Variants in GALNT18 observed in about 807,000 individuals in gnomAD.
The protein encoded by GALNT18 is GalNAc-transferase 18.
Under a neutral mutation model 69.5 loss-of-function variants are expected in GALNT18, and 44 were observed. That is an observed-to-expected ratio of 0.63 (90% confidence interval 0.50 to 0.81). The LOEUF is 0.81. Ranked by LOEUF, GALNT18 falls within the 40% of genes least tolerant of loss-of-function variation. GALNT18 has a pLI of 0.00. For missense variants in GALNT18, 715 were observed against 810.0 expected (o/e 0.88, Z 1.42); for synonymous variants, 364 against 318.2 (o/e 1.14, Z -1.53).
At position 11,496,636 on chromosome 11, in the gene GALNT18, G is replaced by A. The variant is rs1856871231; in HGVS notation, c.236-47700C>T. Among the ~76,000 whole-genome samples the A allele has an allele frequency of 6.6e-6, 1 of 151,914 alleles. No individual in the cohort carries two copies. The highest frequency in any genetic ancestry group is 1.5e-5 in the Non-Finnish European group (1 of 67,982). The stretch of plus-strand genomic sequence containing the variant: ...CTACCACACAGAGGGTGGGAAGAAG[G>A]AAAGACTGCACCAGGAAGGAAGGGC... On this transcript the variant is annotated intron_variant, in intron 1 of 10. Coordinates refer to ENST00000227756, the MANE Select transcript of GALNT18 (RefSeq NM_198516.3). The surrounding 1 kb of genome is among the most constrained non-coding windows in gnomAD (Gnocchi z 4.0).
At chr11:11,344,494 C>T (rs1850266136) in intron 6 of GALNT18, among the ~76,000 whole-genome samples, 1 of 152,228 alleles carries the variant, frequency 6.6e-6, no homozygotes, top group Non-Finnish European at 1.5e-5. Flanking sequence ...ACCAAATTGT[C>T]CCTTAGACAC....
rs1860140750 is a variant in GALNT18 at position 11,619,743 on chromosome 11, T to C, written c.235+1616A>G. On this transcript the variant is annotated intron_variant, in intron 1 of 10. Coordinates refer to ENST00000227756, the MANE Select transcript of GALNT18 (RefSeq NM_198516.3). This position sits in a 1 kb window ranked among gnomAD's most constrained non-coding sequence, Gnocchi z 4.9. ...ACACTGTACTTCTATTGCTGATTAA[T>C]AGTCAATCAAGACCTATGGGATGGA... 6.6e-6 allele frequency among the ~76,000 whole-genome samples: 1 copy of C among 152,158 alleles called. No homozygotes were observed. The highest frequency in any genetic ancestry group is 1.5e-5 in the Non-Finnish European group (1 of 68,030).
intron 1 of GALNT18, among the ~76,000 whole-genome samples, chr11:11,525,052 G>A (rs11021896): frequency 0.41 from 61,743 of 151,996 alleles, 13,258 homozygotes; most frequent in East Asian, 0.73. Context: ...AGAGAAAGGA[G>A]GGGATTTCAT....
chr11:11,340,803 T>C lies in GALNT18; in HGVS notation c.1278+16A>G, dbSNP rs566902816. 6.3e-7 allele frequency: 1 copy of C among 1,593,048 alleles called. No homozygotes were observed. The highest frequency in any genetic ancestry group is 1.1e-5 in the South Asian group (1 of 88,294). On this transcript the variant is annotated intron_variant, in intron 7 of 10. Coordinates refer to ENST00000227756, the MANE Select transcript of GALNT18 (RefSeq NM_198516.3). The surrounding 1 kb of genome is among the most constrained non-coding windows in gnomAD (Gnocchi z 4.2). ...CACCAATCCCCGAGAAACTCATCCC[T>C]ACCGGAGATCCCTACCTCCTGCGGT...
At chr11:11,349,757 G>A (rs758931430) in intron 6 of GALNT18, among the ~76,000 whole-genome samples, 24 of 152,178 alleles carry the variant, frequency 1.6e-4, no homozygotes, top group Non-Finnish European at 2.9e-4. Context: ...CAGGTTTCCT[G>A]GGGTACATAT....
intron 9 of GALNT18, among the ~76,000 whole-genome samples, chr11:11,304,672 C>T (rs1327907649): frequency 6.6e-6 from 1 of 152,228 alleles, no homozygotes; most frequent in Non-Finnish European, 1.5e-5. Flanking sequence ...TCCTATGATG[C>T]TTCTTCCTGT....
intron 1 of GALNT18, among the ~76,000 whole-genome samples, chr11:11,576,892 T>C (rs7125146): frequency 0.41 from 61,938 of 152,164 alleles, 13,709 homozygotes; most frequent in East Asian, 0.66. Flanking sequence ...AACGCACACC[T>C]TTAGTGCCAC....
intron 6 of GALNT18, chr11:11,352,375 G>A: frequency 1.2e-6 from 2 of 1,614,026 alleles, no homozygotes; most frequent in Non-Finnish European, 1.7e-6. Context: ...TCTGTCCCCA[G>A]AAACTTGGCT....
In GALNT18 at chr11:11,439,586, G is replaced by A. The variant is rs1331070142; in HGVS notation, c.429-6799C>T. The stretch of plus-strand genomic sequence containing the variant: ...ATGTGATCATTTAACAAACGTCAGT[G>A]TCTCCACTAGACTATAAGCTGTACA... On this transcript the variant is annotated intron_variant, in intron 2 of 10. Coordinates refer to ENST00000227756, the MANE Select transcript of GALNT18 (RefSeq NM_198516.3). The surrounding 1 kb of genome is among the most constrained non-coding windows in gnomAD (Gnocchi z 4.4). Among the ~76,000 whole-genome samples the A allele has an allele frequency of 6.6e-6, 1 of 152,162 alleles. No individual in the cohort carries two copies.
intron 6 of GALNT18, among the ~76,000 whole-genome samples, chr11:11,348,296 T>A (rs1351552076): frequency 6.7e-6 from 1 of 150,068 alleles, no homozygotes; most frequent in African/African-American, 2.5e-5. Context: ...GAGAATCGCT[T>A]GAACCCAGGA....
intron 6 of GALNT18, among the ~76,000 whole-genome samples, chr11:11,369,572 A>G (rs1335104161): frequency 6.6e-6 from 1 of 152,196 alleles, no homozygotes; most frequent in African/African-American, 2.4e-5. Context: ...CACATTCACA[A>G]GAGGTTAGGA....
intron 1 of GALNT18, among the ~76,000 whole-genome samples, chr11:11,453,671 T>G (rs1463006643): frequency 6.6e-6 from 1 of 152,186 alleles, no homozygotes; most frequent in Non-Finnish European, 1.5e-5. Context: ...CATGCTGTTC[T>G]CACGATAGTG....
chr11:11,274,019 G>A (rs371004233), intron 10 of GALNT18, among the ~76,000 whole-genome samples: 3 of 152,142 alleles, frequency 2.0e-5, no homozygotes, highest in African/African-American at 7.2e-5. Context: ...GACAGTGGGT[G>A]TAGCCCACGG....
intron 1 of GALNT18, among the ~76,000 whole-genome samples, chr11:11,453,259 T>C (rs1855845045): frequency 6.6e-6 from 1 of 152,102 alleles, no homozygotes; most frequent in South Asian, 2.1e-4. Flanking sequence ...CACGTCCTTC[T>C]CTGATCAGAA....
chr11:11,482,699 G>A (rs546195300), intron 1 of GALNT18, among the ~76,000 whole-genome samples: 1 of 152,212 alleles, frequency 6.6e-6, no homozygotes, highest in Non-Finnish European at 1.5e-5. Context: ...GAAGAAAAAA[G>A]CAAATCAGTA....
At chr11:11,311,159 T>G (rs1170817876) in intron 9 of GALNT18, among the ~76,000 whole-genome samples, 1 of 152,124 alleles carries the variant, frequency 6.6e-6, no homozygotes, top group Non-Finnish European at 1.5e-5. Context: ...AGTAAAGAAC[T>G]GCCCCACCTA....
At chr11:11,576,373 T>C (rs1234614905) in intron 1 of GALNT18, among the ~76,000 whole-genome samples, 1 of 152,170 alleles carries the variant, frequency 6.6e-6, no homozygotes, top group African/African-American at 2.4e-5. Flanking sequence ...ATTCCAGCTA[T>C]AGTAATTGCC....
chr11:11,409,373 CAA>C (rs1192900743), intron 3 of GALNT18, among the ~76,000 whole-genome samples: 1 of 152,190 alleles, frequency 6.6e-6, no homozygotes, highest in Non-Finnish European at 1.5e-5. Context: ...GTCCCAGAAT[CAA>C]AGCCGCCTCT....
chr11:11,418,309 G>A (rs1303533871), intron 3 of GALNT18, among the ~76,000 whole-genome samples: 3 of 152,202 alleles, frequency 2.0e-5, no homozygotes, highest in African/African-American at 7.2e-5. Context: ...TCTATGAGAT[G>A]GGGAGAAATA....
Sources: allele counts gnomAD v4.1 joint callset (sites outside exome capture counted in the v4.1 genomes callset), GRCh38; gene constraint gnomAD v4.1.1; non-coding constraint Gnocchi (gnomAD v3.1); transcripts MANE v1.5; gene names NCBI Gene and HGNC (gene_info 2026-07-23, HGNC 2026-07-21).